Variants in SNTB1 observed in about 807,000 individuals in gnomAD.
SNTB1 encodes the protein beta-1-syntrophin.
A neutral mutation model predicts 48.9 loss-of-function variants in SNTB1; 36 were observed. The ratio of observed to expected loss-of-function variants is 0.74; its 90% CI spans 0.56 to 0.97. The LOEUF is 0.97. Among genes scored for constraint, SNTB1 ranks in the 50% least tolerant of loss-of-function variants. SNTB1 has a pLI of 0.00. For missense variants in SNTB1, 786 were observed against 703.4 expected (o/e 1.12, Z -1.33); for synonymous variants, 299 against 294.6 (o/e 1.01, Z -0.15).
chr8:120,576,625 T>C (rs1239922319), intron 3 of SNTB1, among the ~76,000 whole-genome samples: 1 of 152,200 alleles, frequency 6.6e-6, no homozygotes, highest in Non-Finnish European at 1.5e-5. Flanking sequence ...ATAAGGATAA[T>C]ATCATATACA....
chr8:120,565,020 A>G (rs1329182044), intron 4 of SNTB1, among the ~76,000 whole-genome samples: 1 of 152,184 alleles, frequency 6.6e-6, no homozygotes, highest in Non-Finnish European at 1.5e-5. Flanking sequence ...TCTCTCTACC[A>G]GCAAATCCAA....
intron 2 of SNTB1, chr8:120,635,648 C>G (rs1817062916): frequency 5.7e-6 from 1 of 176,848 alleles, no homozygotes. Flanking sequence ...GTTTCATCTT[C>G]ATTTCTGATT....
chr8:120,723,307 T>C (rs868721037), intron 1 of SNTB1, among the ~76,000 whole-genome samples: 1 of 152,204 alleles, frequency 6.6e-6, no homozygotes, highest in Admixed American at 6.5e-5. Context: ...TATATATATA[T>C]TGCATATTCA....
Position 120,538,526 on chromosome 8 carries a change from GT to G in SNTB1, c.*350del, listed in dbSNP as rs1483452683. 5.1e-6 allele frequency: 2 copies of G among 392,046 alleles called. No individual in the cohort carries two copies. Among genetic ancestry groups the G allele is most frequent in the Admixed American group, 5.3e-5 (2 of 37,628 alleles). 24.3% of individuals were successfully genotyped at this position (392,046 alleles called of 1,614,324 possible). A position where few individuals can be genotyped will look rare whatever the true frequency, so the allele number is the denominator to read the frequency against. On this transcript the variant is annotated 3_prime_UTR_variant, in exon 7 of 7. Transcript: ENST00000517992. ...CGGCCCTTGCGTACCTGGTGAACAA[GT>G]TGCCTAGGAACTGGGATGATTAAGA... is the stretch of plus-strand genomic sequence containing the variant.
At position 120,691,664 on chromosome 8, in the gene SNTB1, C is replaced by G. The variant is rs1010922817; in HGVS notation, c.788+2028G>C. Among the ~76,000 whole-genome samples the G allele has an allele frequency of 2.0e-5, 3 of 152,124 alleles. 1 individual carries two copies. The highest frequency in any genetic ancestry group is 2.0e-4 in the Admixed American group (3 of 15,276). ...AGTTCTTCCCACTTTTCTAGAAAAG[C>G]AGAAACTGGCTTTTTAAATGTGAAG... On this transcript the variant is annotated intron_variant, in intron 2 of 6. Transcript: ENST00000517992.
intron 1 of SNTB1, among the ~76,000 whole-genome samples, chr8:120,751,323 G>C (rs962693038): frequency 6.6e-6 from 1 of 152,158 alleles, no homozygotes; most frequent in South Asian, 2.1e-4. Flanking sequence ...TACTAAGGAA[G>C]GAATTTCTGA....
At chr8:120,716,657 C>T (rs1027101233) in intron 1 of SNTB1, among the ~76,000 whole-genome samples, 4 of 152,164 alleles carry the variant, frequency 2.6e-5, no homozygotes, top group African/African-American at 9.7e-5. Flanking sequence ...GTTCCCTCTC[C>T]TTGAAGGTGT....
intron 3 of SNTB1, among the ~76,000 whole-genome samples, chr8:120,610,400 C>T (rs1587029083): frequency 6.6e-6 from 1 of 152,208 alleles, no homozygotes; most frequent in South Asian, 2.1e-4. Context: ...TCCCAAAGTG[C>T]TGGGATTACG....
At chr8:120,649,711 G>A (rs1386674110) in intron 2 of SNTB1, among the ~76,000 whole-genome samples, 16 of 151,776 alleles carry the variant, frequency 1.1e-4, no homozygotes, top group Admixed American at 5.9e-4. Context: ...CGAGCTTCCC[G>A]GCTGCTTTGT....
At chr8:120,807,889 G>A (rs1820361709) in intron 1 of SNTB1, among the ~76,000 whole-genome samples, 1 of 152,042 alleles carries the variant, frequency 6.6e-6, no homozygotes, top group South Asian at 2.1e-4. Flanking sequence ...TCCTGGCTAT[G>A]TTACATTATT....
At chr8:120,746,807 A>T (rs1404349641) in intron 1 of SNTB1, among the ~76,000 whole-genome samples, 1 of 152,222 alleles carries the variant, frequency 6.6e-6, no homozygotes, top group African/African-American at 2.4e-5. Context: ...CAGGCTATAG[A>T]CTGAAACCAT....
At chr8:120,627,513 A>C (rs763781567) in intron 3 of SNTB1, among the ~76,000 whole-genome samples, 6 of 152,214 alleles carry the variant, frequency 3.9e-5, no homozygotes, top group African/African-American at 1.4e-4. Flanking sequence ...TGATTGACAT[A>C]GTCAAGAATG....
intron 3 of SNTB1, among the ~76,000 whole-genome samples, chr8:120,577,100 A>G (rs1815963954): frequency 6.6e-6 from 1 of 152,222 alleles, no homozygotes; most frequent in South Asian, 2.1e-4. Context: ...GACAAGCCAA[A>G]AATAAGCTTG....
chr8:120,804,034 C>A (rs1445910736), intron 1 of SNTB1, among the ~76,000 whole-genome samples: 1 of 152,170 alleles, frequency 6.6e-6, no homozygotes, highest in Admixed American at 6.5e-5. Flanking sequence ...TCTATAAAGT[C>A]ATTCTTTATT....
intron 1 of SNTB1, among the ~76,000 whole-genome samples, chr8:120,783,173 A>C (rs969414197): frequency 2.0e-5 from 3 of 151,960 alleles, no homozygotes; most frequent in Non-Finnish European, 2.9e-5. Context: ...TAAATTATAT[A>C]AATTATATAT....
Position 120,548,968 on chromosome 8 carries a change from G to A in SNTB1, c.1137-10C>T, listed in dbSNP as rs367672113. On this transcript the variant is annotated splice_polypyrimidine_tract_variant and intron_variant, in intron 4 of 6. Coordinates refer to ENST00000517992, the MANE Select transcript of SNTB1 (RefSeq NM_021021.4). ...ACCTGAATGGACCAGCCTGGAGAGA[G>A]AGAGAGAGAGACATCATCAAAATGG... 5.9e-6 allele frequency: 9 copies of A among 1,536,110 alleles called. No individual in the cohort carries two copies. The African/African-American group carries it at 1.2e-4, about 21-fold the overall frequency.
chr8:120,766,536 T>G (rs941603916), intron 1 of SNTB1, among the ~76,000 whole-genome samples: 42 of 152,174 alleles, frequency 2.8e-4, no homozygotes, highest in African/African-American at 1.0e-3. Flanking sequence ...TTCCTTATAT[T>G]GTTATCCACT....
At chr8:120,796,688 G>A (rs1462369210) in intron 1 of SNTB1, among the ~76,000 whole-genome samples, 1 of 151,922 alleles carries the variant, frequency 6.6e-6, no homozygotes, top group Non-Finnish European at 1.5e-5. Flanking sequence ...ATGAAAATAG[G>A]CAGGGGCAGA....
At chr8:120,709,804 A>G (rs1473101073) in intron 1 of SNTB1, among the ~76,000 whole-genome samples, 1 of 152,158 alleles carries the variant, frequency 6.6e-6, no homozygotes, top group Non-Finnish European at 1.5e-5. Flanking sequence ...AACTTGCTAC[A>G]GTTCTCTAAG....
Sources: gnomAD v4.1 joint callset for allele counts (sites outside exome capture counted in the v4.1 genomes callset) on GRCh38, gnomAD v4.1.1 for gene constraint, MANE v1.5 for transcripts, NCBI Gene and HGNC (gene_info 2026-07-23, HGNC 2026-07-21) for gene names.